Variants in SYNJ2 observed in about 807,000 individuals in gnomAD.
The protein encoded by SYNJ2 is synaptojanin 2, also known as polyphosphatidylinositol phosphatase SYNJ2.
In SYNJ2, 116 loss-of-function variants were observed where a neutral mutation model predicts 141.3. The observed-to-expected ratio is 0.82, with a 90% confidence interval of 0.71 to 0.96. The LOEUF (loss-of-function observed/expected upper bound fraction) is 0.96. Ranked by LOEUF, SYNJ2 falls within the 40% of genes least tolerant of loss-of-function variation. SYNJ2 has a pLI of 0.00. For synonymous variants in SYNJ2, 745 were observed against 777.7 expected (o/e 0.96, Z 0.70); for missense variants, 1,873 against 1,934.8 (o/e 0.97, Z 0.60).
chr6:157,989,817 C>T (rs1693741198), intron 1 of SYNJ2, among the ~76,000 whole-genome samples: 1 of 152,180 alleles, frequency 6.6e-6, no homozygotes, highest in Non-Finnish European at 1.5e-5. Context: ...GGGTCGGCTC[C>T]AAGATGCCCC....
In SYNJ2 at chr6:158,033,444, G is replaced by C; in HGVS notation, c.486-11G>C. ...AAGTGACTGGAATTGGTGTGGGACTGTGTTTTGCAGGAACCAGCTGTTGCA... is the reference window on the plus strand; with the variant it reads ...AAGTGACTGGAATTGGTGTGGGACTCTGTTTTGCAGGAACCAGCTGTTGCA... On this transcript the variant is annotated splice_polypyrimidine_tract_variant and intron_variant, in intron 3 of 26. Transcript: ENST00000355585. The C allele has an allele frequency of 6.2e-7, 1 of 1,612,938 alleles. No homozygotes were observed. The highest frequency in any genetic ancestry group is 8.5e-7 in the Non-Finnish European group (1 of 1,179,138).
chr6:158,066,576 C>A lies in SYNJ2; in HGVS notation c.1658C>A (p.Ala553Glu), dbSNP rs567190284. 1 of 1,614,080 alleles carries A rather than the reference C, an allele frequency of 6.2e-7. No individual in the cohort carries two copies. The highest frequency in any genetic ancestry group is 1.7e-5 in the Admixed American group (1 of 60,026). ...TTCCGGAGCAACGTGCTCAGGACGG[C>A]GGAGCTGACAGACTGGCTGCTCGAC... ...KQFRSNVLRT[A>E]ELTDWLLDSP... is the part of the protein sequence containing the mutation. Residue 553 changes from alanine to glutamate, a missense_variant, in exon 12 of 27, where the codon GCG becomes GAG. Transcript: ENST00000355585.
chr6:158,091,729 G>A (rs1783465516), intron 25 of SYNJ2, among the ~76,000 whole-genome samples: 1 of 147,586 alleles, frequency 6.8e-6, no homozygotes, highest in African/African-American at 2.5e-5. Flanking sequence ...CAGCCTGGGT[G>A]ACAGAGCTAG....
rs1386308726 is a variant in SYNJ2 at position 158,078,176 on chromosome 6, A to G, written c.2462A>G (p.Asn821Ser). 6.8e-6 allele frequency: 11 copies of G among 1,613,108 alleles called. No homozygotes were observed. The highest frequency in any genetic ancestry group is 9.3e-6 in the Non-Finnish European group (11 of 1,179,188). The stretch of plus-strand genomic sequence containing the variant: ...CCCCTGCGAGTAGCTGGAGAACTCA[A>G]CCTTCTAGACAGTGATCTAGATGTT... ...HPFDKTAGELNLLDSDLDVDT... is the reference protein window; with the variant it reads ...HPFDKTAGELSLLDSDLDVDT... The change falls in exon 18 of 27, where the codon AAC (asparagine) becomes AGC (serine). Residue 821 changes from asparagine to serine, a missense_variant. Coordinates refer to ENST00000355585, the MANE Select transcript of SYNJ2 (RefSeq NM_003898.4).
At chr6:158,004,554 G>T (rs1205064046) in intron 1 of SYNJ2, among the ~76,000 whole-genome samples, 1 of 152,150 alleles carries the variant, frequency 6.6e-6, no homozygotes, top group African/African-American at 2.4e-5. Context: ...TCCCAGAAAT[G>T]AATAATCCAC....
intron 17 of SYNJ2, chr6:158,077,642 C>T (rs1481051623): frequency 1.6e-5 from 2 of 122,996 alleles, no homozygotes; most frequent in Non-Finnish European, 3.2e-5. Context: ...ATATCTGTAA[C>T]TAGTACATAA....
rs1364827172 is a variant in SYNJ2, at chr6:158,078,170, A to G, written c.2456A>G (p.Glu819Gly). The change falls in exon 18 of 27, where the codon GAA becomes GGA. Residue 819 changes from glutamate to glycine, a missense_variant. Glu to Gly is a moderately conservative substitution (Grantham distance 98, BLOSUM62 -2). Transcript: ENST00000355585. ...ATGGAACCCCTGCGAGTAGCTGGAG[A>G]ACTCAACCTTCTAGACAGTGATCTA... ...KKHPFDKTAG[E>G]LNLLDSDLDV... 6.2e-7 allele frequency: 1 copy of G among 1,610,280 alleles called. No individual in the cohort carries two copies. The highest frequency in any genetic ancestry group is 2.2e-5 in the East Asian group (1 of 44,842).
rs1385294162 is a variant in SYNJ2 at position 158,042,161 on chromosome 6, A to G, written c.712-1155A>G. ...TCTGTAGCCGTTCAAGCAACCTGCT[A>G]TTTTATTCTGTTTTGTCAGTAGAAG... On this transcript the variant is annotated intron_variant, in intron 4 of 26. Transcript: ENST00000355585. Among the ~76,000 whole-genome samples, 3 of 152,228 alleles carry G rather than the reference A, an allele frequency of 2.0e-5. No homozygotes were observed. In the East Asian group the frequency reaches 5.8e-4, roughly 29 times the overall value.
At chr6:158,068,031 A>G in intron 12 of SYNJ2, 19 of 972,918 alleles carry the variant, frequency 2.0e-5, no homozygotes, top group Non-Finnish European at 2.3e-5. Context: ...AGACACTAGC[A>G]GGCTCCCCAG....
intron 6 of SYNJ2, among the ~76,000 whole-genome samples, chr6:158,057,187 T>C (rs1032976526): frequency 1.3e-5 from 2 of 152,038 alleles, no homozygotes; most frequent in Non-Finnish European, 2.9e-5. Flanking sequence ...AAACTCCTGT[T>C]TTCCAAGTAG....
intron 3 of SYNJ2, among the ~76,000 whole-genome samples, chr6:158,030,058 G>A (rs540056746): frequency 1.8e-4 from 28 of 152,288 alleles, no homozygotes; most frequent in African/African-American, 5.3e-4. Flanking sequence ...GACTAGTCCC[G>A]GAGCCCAGGC....
At chr6:158,028,480 T>C in intron 2 of SYNJ2, 1 of 499,032 alleles carries the variant, frequency 2.0e-6, no homozygotes. Flanking sequence ...GCCCCCAGCC[T>C]CAGGCAGCTG....
At chr6:158,011,584 C>T (rs73796724) in intron 1 of SYNJ2, among the ~76,000 whole-genome samples, 230 of 152,182 alleles carry the variant, frequency 1.5e-3, no homozygotes, top group African/African-American at 5.3e-3. Flanking sequence ...GATAGAAAGT[C>T]GTGTTTTTAC....
intron 4 of SYNJ2, among the ~76,000 whole-genome samples, chr6:158,042,908 C>G (rs2128344266): frequency 6.6e-6 from 1 of 152,336 alleles, no homozygotes; most frequent in Non-Finnish European, 1.5e-5. Context: ...TCATAGCTCT[C>G]TTCTGCTTAG....
At chr6:158,005,804 A>G (rs967984886) in intron 1 of SYNJ2, among the ~76,000 whole-genome samples, 18 of 150,288 alleles carry the variant, frequency 1.2e-4, no homozygotes, top group Non-Finnish European at 1.9e-4. Flanking sequence ...TCGTCCTCTC[A>G]TTCCACCCCA....
intron 1 of SYNJ2, among the ~76,000 whole-genome samples, chr6:157,998,729 G>A (rs1456304203): frequency 6.6e-6 from 1 of 152,180 alleles, no homozygotes; most frequent in Admixed American, 6.5e-5. Context: ...AAACTCAGAA[G>A]TCATAAAGGA....
intron 1 of SYNJ2, among the ~76,000 whole-genome samples, chr6:158,000,105 A>C (rs904808821): frequency 2.1e-5 from 1 of 47,222 alleles, no homozygotes; most frequent in African/African-American, 6.8e-5. Flanking sequence ...TTTTTTTTTG[A>C]GGCAGGAGCT....
At chr6:158,059,625 G>T in intron 7 of SYNJ2, 1 of 1,065,664 alleles carries the variant, frequency 9.4e-7, no homozygotes, top group Non-Finnish European at 1.2e-6. Context: ...TGCAATCTCA[G>T]CTCACTGCAA....
chr6:158,041,486 G>T (rs1779944479), intron 4 of SYNJ2, among the ~76,000 whole-genome samples: 1 of 152,196 alleles, frequency 6.6e-6, no homozygotes, highest in Non-Finnish European at 1.5e-5. Context: ...TTCCCCTGTG[G>T]AGGACGGGGT....
Sources: gnomAD v4.1 joint callset for allele counts (sites outside exome capture counted in the v4.1 genomes callset) on GRCh38, gnomAD v4.1.1 for gene constraint, MANE v1.5 for transcripts, NCBI Gene and HGNC (gene_info 2026-07-23, HGNC 2026-07-21) for gene names.